Variants in LRP5 observed in about 807,000 individuals in gnomAD.
LRP5 encodes the protein LDL receptor related protein 5.
A neutral mutation model predicts 154.1 loss-of-function variants in LRP5; 62 were observed. The observed-to-expected ratio is 0.40, with a 90% CI of 0.33 to 0.50. The LOEUF is 0.50. Among genes scored for constraint, LRP5 ranks in the 20% least tolerant of loss-of-function variants. LRP5 has a pLI of 0.55. For missense variants in LRP5, 1,915 were observed against 2,336.7 expected (o/e 0.82, Z 3.72); for synonymous variants, 966 against 1,011.5 (o/e 0.96, Z 0.85).
At chr11:68,392,525 A>C (rs1432638323) in intron 7 of LRP5, among the ~76,000 whole-genome samples, 2 of 152,106 alleles carry the variant, frequency 1.3e-5, no homozygotes, top group East Asian at 1.9e-4. Flanking sequence ...AAATAAAAAA[A>C]ATTTTAAAAA....
chr11:68,393,355 A>G (rs991099858), intron 7 of LRP5, among the ~76,000 whole-genome samples: 2 of 152,216 alleles, frequency 1.3e-5, no homozygotes, highest in African/African-American at 2.4e-5. Flanking sequence ...GCTGAGTCCT[A>G]TGGTAATGTT....
At chr11:68,341,059 C>CTTTTTTTTTTTTTTTT (rs576462333) in intron 1 of LRP5, among the ~76,000 whole-genome samples, 922 of 83,242 alleles carry the variant, frequency 0.011, 115 homozygotes, top group Admixed American at 0.043. Context: ...GGAGATTGTT[C>CTTTTTTTTTTTTTTTT]TTTTTTTTTT....
chr11:68,404,404 C>T, intron 8 of LRP5: 1 of 510,374 alleles, frequency 2.0e-6, no homozygotes, highest in Non-Finnish European at 3.9e-6. Flanking sequence ...TGCTGCATTG[C>T]CTGCAGTCCT....
intron 8 of LRP5, chr11:68,404,513 T>G (rs537545315): frequency 8.8e-4 from 432 of 488,242 alleles, no homozygotes; most frequent in Non-Finnish European, 1.5e-3. Context: ...AGGGAGCAGG[T>G]TGGGGCAGAA....
At chr11:68,300,635 G>A in the LRP5 span, among the ~76,000 whole-genome samples, 388 of 149,554 alleles carry the variant, frequency 2.6e-3, 30 homozygotes, top group Non-Finnish European at 4.1e-3. Context: ...TGCCCAAGCC[G>A]CAGAGGCCAT....
intron 1 of LRP5, among the ~76,000 whole-genome samples, chr11:68,316,634 T>C (rs1300341410): frequency 1.3e-5 from 2 of 152,226 alleles, no homozygotes; most frequent in East Asian, 3.8e-4. Flanking sequence ...ATTATATTTG[T>C]CAGTTCATCC....
intron 9 of LRP5, among the ~76,000 whole-genome samples, chr11:68,409,073 A>AAATATATATATATATATATAT (rs2098657548): frequency 2.3e-5 from 1 of 44,176 alleles, no homozygotes; most frequent in African/African-American, 1.3e-4. Flanking sequence ...AAAAAAAAAA[A>AAATATATATATATATATATAT]ATATATATAT....
chr11:68,401,962 G>A (rs982347416), intron 7 of LRP5, among the ~76,000 whole-genome samples: 8 of 152,182 alleles, frequency 5.3e-5, no homozygotes, highest in Non-Finnish European at 8.8e-5. Flanking sequence ...CAAAGTGCTA[G>A]GATTACAGGC....
In LRP5 at chr11:68,436,949, A is replaced by G. The variant is rs772918826; in HGVS notation, c.4061A>G (p.Gln1354Arg). The change falls in exon 19 of 23, where the codon CAG becomes CGG. Residue 1354 changes from glutamine to arginine, a missense_variant. Gln to Arg is a conservative substitution (Grantham distance 43, BLOSUM62 1). This residue lies in a region of LRP5 where 1,094 missense variants were observed against 1,210.1 expected (regional missense o/e 0.90). Coordinates refer to ENST00000294304, the MANE Select transcript of LRP5 (RefSeq NM_002335.4). ...GGCCAGTGTGTCCTCATCAAACAGC[A>G]GTGCGACTCCTTCCCCGACTGTATC... ...ASGQCVLIKQ[Q>R]CDSFPDCIDG... 2.5e-5 allele frequency: 41 copies of G among 1,613,934 alleles called. No homozygotes were observed. The highest frequency in any genetic ancestry group is 3.5e-5 in the Non-Finnish European group (41 of 1,179,974).
In LRP5 at chr11:68,354,469, C is replaced by G. The variant is rs556963974; in HGVS notation, c.489-3181C>G. ...GGGGAAGGCCTGTGTGGATTCCCCC[C>G]CAAGTCCAGACTGATGCCCCTGATA... On this transcript the variant is annotated intron_variant, in intron 2 of 22. Transcript: ENST00000294304. 2.2e-4 allele frequency among the ~76,000 whole-genome samples: 33 copies of G among 152,332 alleles called. 1 individual carries two copies. In the South Asian group the frequency reaches 6.2e-3, roughly 29 times the overall value.
At chr11:68,403,409 C>T (rs1263461272) in intron 7 of LRP5, 74 bp from the exon 8 acceptor site, 8 of 1,373,386 alleles carry the variant, frequency 5.8e-6, no homozygotes, top group African/African-American at 1.4e-5. Flanking sequence ...AGCTCAGGCC[C>T]CAGGCAGGGT....
At chr11:68,409,069 A>ATATATATATATATATATATAT (rs1420282770) in intron 9 of LRP5, among the ~76,000 whole-genome samples, 1 of 51,124 alleles carries the variant, frequency 2.0e-5, no homozygotes, top group African/African-American at 9.5e-5. Flanking sequence ...AAAAAAAAAA[A>ATATATATATATATATATATAT]AAAAATATAT....
At chr11:68,394,951 GGA>G (rs1017727800) in intron 7 of LRP5, among the ~76,000 whole-genome samples, 1 of 152,124 alleles carries the variant, frequency 6.6e-6, no homozygotes, top group African/African-American at 2.4e-5. Context: ...AATGGGCCAG[GGA>G]GAGACACCCT....
chr11:68,363,669 A>AT, intron 3 of LRP5, 78 bp from the exon 4 acceptor site: 1 of 1,202,384 alleles, frequency 8.3e-7, no homozygotes, highest in Non-Finnish European at 1.2e-6. Flanking sequence ...AAAAAAAAAA[A>AT]GAAATTAATT....
rs1245625202 is a variant in LRP5, at chr11:68,390,000, A to G, written c.1532A>G (p.Asp511Gly). The change falls in exon 7 of 23, where the codon GAC (aspartate) becomes GGC (glycine). Residue 511 changes from aspartate (D) to glycine (G), a missense_variant. Physicochemically the swap from Asp to Gly is moderately conservative, Grantham distance 94. Coordinates refer to ENST00000294304, the MANE Select transcript of LRP5 (RefSeq NM_002335.4). ...GGGTGGCCCAACGGCCTGGCCCTGG[A>G]CCTGCAGGAGGGGAAGCTCTACTGG... ...SLGWPNGLALDLQEGKLYWGD... is the reference protein window; with the variant it reads ...SLGWPNGLALGLQEGKLYWGD... The G allele has an allele frequency of 6.2e-7, 1 of 1,614,190 alleles. No homozygotes were observed. Among genetic ancestry groups the G allele is most frequent in the Admixed American group, 1.7e-5 (1 of 60,012 alleles).
At chr11:68,393,143 A>C (rs529611183) in intron 7 of LRP5, among the ~76,000 whole-genome samples, 20 of 152,090 alleles carry the variant, frequency 1.3e-4, no homozygotes, top group South Asian at 1.3e-3. Flanking sequence ...AAAAAAACAA[A>C]AAAAAAAGTT....
chr11:68,429,666 C>A lies in LRP5; in HGVS notation c.3729C>A (p.His1243Gln). ...DGTPRCSCPV[H>Q]LVLLQNLLTC... ...CACCACGGTGCTCATGCCCAGTCCA[C>A]CTCGTGCTCCTGCAGAACCTGCTGA... The change falls in exon 17 of 23, where the codon CAC becomes CAA. Residue 1243 changes from histidine (H) to glutamine (Q), a missense_variant. Physicochemically the swap from His to Gln is conservative, Grantham distance 24. Coordinates refer to ENST00000294304, the MANE Select transcript of LRP5 (RefSeq NM_002335.4). 1 of 1,614,188 alleles carries A rather than the reference C, an allele frequency of 6.2e-7. No homozygotes were observed.
chr11:68,357,706 A>G lies in LRP5; in HGVS notation c.545A>G (p.Asp182Gly), dbSNP rs1164662677. The G allele has an allele frequency of 1.2e-6, 2 of 1,614,178 alleles. No individual in the cohort carries two copies. Among genetic ancestry groups the G allele is most frequent in the Non-Finnish European group, 1.7e-6 (2 of 1,180,022 alleles). The change falls in exon 3 of 23, where the codon GAT becomes GGT. Residue 182 changes from aspartate to glycine, a missense_variant. By Grantham distance (94) the Asp-to-Gly change is moderately conservative. This residue lies in a region of LRP5 where 773 missense variants were observed against 1,100.9 expected (regional missense o/e 0.70). Coordinates refer to ENST00000294304, the MANE Select transcript of LRP5 (RefSeq NM_002335.4). ...CCCCGGATTGAGCGGGCAGGGATGG[A>G]TGGCAGCACCCGGAAGATCATTGTG... ...ETPRIERAGM[D>G]GSTRKIIVDS...
At chr11:68,327,486 G>T (rs1250210418) in intron 1 of LRP5, among the ~76,000 whole-genome samples, 2 of 152,062 alleles carry the variant, frequency 1.3e-5, no homozygotes, top group African/African-American at 2.4e-5. Context: ...TCTTTCAGTT[G>T]CCCCCCCTTA....
Sources: allele counts gnomAD v4.1 joint callset (sites outside exome capture counted in the v4.1 genomes callset), GRCh38; gene constraint gnomAD v4.1.1; regional missense constraint gnomAD v4.1.1; transcripts MANE v1.5; gene names NCBI Gene and HGNC (gene_info 2026-07-23, HGNC 2026-07-21).